Variants in ASIC2 observed in about 807,000 individuals in gnomAD.
The protein encoded by ASIC2 is acid sensing ion channel subunit 2, also known as acid-sensing ion channel 2.
A neutral mutation model predicts 57.3 loss-of-function variants in ASIC2; 25 were observed. That is an observed-to-expected ratio of 0.44 (90% CI 0.32 to 0.61). The LOEUF (loss-of-function observed/expected upper bound fraction) is 0.61, where lower values mean the gene tolerates loss of function less well. ASIC2 is among the 20% of genes least tolerant of loss of function. The pLI is 0.06. For missense variants in ASIC2, 641 were observed against 738.1 expected (o/e 0.87, Z 1.52); for synonymous variants, 319 against 307.5 (o/e 1.04, Z -0.39).
intron 1 of ASIC2, among the ~76,000 whole-genome samples, chr17:33,982,234 T>A (rs1225292337): frequency 1.3e-5 from 2 of 152,258 alleles, no homozygotes; most frequent in Non-Finnish European, 2.9e-5. Flanking sequence ...AATAGCTCTG[T>A]ATTTATTTAC....
At chr17:33,561,317 T>C (rs536957050) in intron 1 of ASIC2, among the ~76,000 whole-genome samples, 1 of 152,296 alleles carries the variant, frequency 6.6e-6, no homozygotes, top group South Asian at 2.1e-4. Context: ...TGGCTTGACA[T>C]GCTTGGGTTT....
chr17:33,109,730 C>T (rs902924726), intron 2 of ASIC2, among the ~76,000 whole-genome samples: 2 of 152,186 alleles, frequency 1.3e-5, no homozygotes, highest in Non-Finnish European at 2.9e-5. Context: ...TGGTATAGCT[C>T]ATCATCCAGT....
chr17:33,934,865 T>G (rs1202165851), intron 1 of ASIC2, among the ~76,000 whole-genome samples: 1 of 152,152 alleles, frequency 6.6e-6, no homozygotes, highest in Non-Finnish European at 1.5e-5. Context: ...GCTTTCCAGC[T>G]CCTATCAATT....
intron 7 of ASIC2, among the ~76,000 whole-genome samples, chr17:33,018,386 G>A (rs1243529020): frequency 6.6e-6 from 1 of 152,202 alleles, no homozygotes; most frequent in Non-Finnish European, 1.5e-5. Flanking sequence ...TCTGGATGTC[G>A]GGATTTTTAA....
At chr17:33,231,655 A>C (rs1053969617) in intron 1 of ASIC2, among the ~76,000 whole-genome samples, 7 of 152,060 alleles carry the variant, frequency 4.6e-5, no homozygotes, top group Non-Finnish European at 8.8e-5. Context: ...TCGAGGCCTG[A>C]TGGGTCACTG....
chr17:33,783,776 C>G (rs1049337978), intron 1 of ASIC2, among the ~76,000 whole-genome samples: 5 of 152,252 alleles, frequency 3.3e-5, no homozygotes, highest in African/African-American at 7.2e-5. Context: ...AGTCCCAACT[C>G]CAGTTGTAAT....
Position 34,056,774 on chromosome 17 carries a change from T to G in ASIC2, c.555+99204A>C, listed in dbSNP as rs553484556. On this transcript the variant is annotated intron_variant, in intron 1 of 9. Coordinates refer to the ASIC2 transcript ENST00000359872. ...GATTCAGTATCCTTCAGGTCCTCAG[T>G]AAATGCTTCTGACTTTTCACCTGAT... Among the ~76,000 whole-genome samples, 18 of 152,358 alleles carry G rather than the reference T, an allele frequency of 1.2e-4. No individual in the cohort carries two copies. The South Asian group carries it at 3.5e-3, about 30-fold the overall frequency.
intron 1 of ASIC2, among the ~76,000 whole-genome samples, chr17:33,655,229 G>C (rs1907042652): frequency 6.6e-6 from 1 of 152,208 alleles, no homozygotes. Flanking sequence ...CTGTAAAACT[G>C]GAATAATTTC....
chr17:33,135,220 G>A (rs1008698681), intron 1 of ASIC2, among the ~76,000 whole-genome samples: 6 of 152,072 alleles, frequency 3.9e-5, no homozygotes, highest in Non-Finnish European at 7.4e-5. Flanking sequence ...GAAAGTGCCC[G>A]GAACATGCCC....
intron 1 of ASIC2, among the ~76,000 whole-genome samples, chr17:33,171,526 T>C (rs967238558): frequency 1.3e-5 from 2 of 152,230 alleles, no homozygotes; most frequent in African/African-American, 4.8e-5. Flanking sequence ...CAATTCCACC[T>C]GCTTTTCTCC....
chr17:33,849,752 A>G (rs879432680), intron 1 of ASIC2, among the ~76,000 whole-genome samples: 3 of 152,178 alleles, frequency 2.0e-5, no homozygotes, highest in Non-Finnish European at 4.4e-5. Flanking sequence ...AGCAAGCAGG[A>G]CTCAGGCATG....
At chr17:34,037,888 G>A (rs1907952967) in intron 1 of ASIC2, 2 of 1,613,834 alleles carry the variant, frequency 1.2e-6, no homozygotes, top group Non-Finnish European at 1.7e-6. Flanking sequence ...GCTGAGACTG[G>A]TTATGGCCAA....
chr17:33,405,975 CT>C (rs1052864764), intron 1 of ASIC2, among the ~76,000 whole-genome samples: 5 of 152,040 alleles, frequency 3.3e-5, no homozygotes, highest in African/African-American at 7.2e-5. Context: ...CAATCACAAA[CT>C]TTCCCCTGCC....
intron 1 of ASIC2, among the ~76,000 whole-genome samples, chr17:33,142,027 AT>A (rs1183021844): frequency 6.6e-6 from 1 of 152,212 alleles, no homozygotes; most frequent in African/African-American, 2.4e-5. Flanking sequence ...GTGTAAGATT[AT>A]TTTATAAATA....
chr17:33,738,336 T>A (rs1401161181), intron 1 of ASIC2, among the ~76,000 whole-genome samples: 1 of 152,208 alleles, frequency 6.6e-6, no homozygotes, highest in African/African-American at 2.4e-5. Flanking sequence ...GTGCTTGTCA[T>A]CCTTCCCCCA....
intron 1 of ASIC2, among the ~76,000 whole-genome samples, chr17:33,746,008 A>T (rs1375114296): frequency 6.6e-6 from 1 of 152,122 alleles, no homozygotes; most frequent in Non-Finnish European, 1.5e-5. Context: ...ACAGAAATAT[A>T]ATATATTTAA....
intron 1 of ASIC2, among the ~76,000 whole-genome samples, chr17:33,669,976 C>T (rs1411565271): frequency 6.6e-6 from 1 of 152,036 alleles, no homozygotes; most frequent in Non-Finnish European, 1.5e-5. Flanking sequence ...AGGTGGGCTT[C>T]CTGTAGAGAC....
rs114446447 is a variant in ASIC2 at position 33,926,866 on chromosome 17, C to T, written c.555+229112G>A. ...GTGTGCCTGCATTTTGACTGTGACT[C>T]GTCACATGAGGTCAGGCACAGAATT... On this transcript the variant is annotated intron_variant, in intron 1 of 9. Transcript: ENST00000359872. 6.3e-3 allele frequency among the ~76,000 whole-genome samples: 956 copies of T among 152,238 alleles called. 18 individuals are homozygous for T. Among genetic ancestry groups the T allele is most frequent in the African/African-American group, 0.019 (802 of 41,544 alleles).
chr17:33,785,673 T>C (rs1911581284), intron 1 of ASIC2, among the ~76,000 whole-genome samples: 1 of 152,212 alleles, frequency 6.6e-6, no homozygotes, highest in Admixed American at 6.5e-5. Context: ...TTGAAAGTGG[T>C]ACTTGAGTCA....
Sources: allele counts gnomAD v4.1 joint callset (sites outside exome capture counted in the v4.1 genomes callset), GRCh38; gene constraint gnomAD v4.1.1; transcripts MANE v1.5; gene names NCBI Gene and HGNC (gene_info 2026-07-23, HGNC 2026-07-21).